Variants in ZC3H12B observed in about 807,000 individuals in gnomAD.
The protein encoded by ZC3H12B is zinc finger CCCH-type containing 12B.
ZC3H12B carries 7 observed loss-of-function variants against 43.9 expected under a neutral mutation model. The observed-to-expected ratio is 0.16, with a 90% confidence interval of 0.09 to 0.30. The LOEUF (loss-of-function observed/expected upper bound fraction) is 0.30. ZC3H12B is among the 10% of genes least tolerant of loss of function. The pLI, the probability that ZC3H12B is intolerant of heterozygous loss-of-function variation, is 1.00. For synonymous variants in ZC3H12B, 222 were observed against 241.7 expected (o/e 0.92, Z 0.76); for missense variants, 475 against 670.2 (o/e 0.71, Z 3.22).
intron 3 of ZC3H12B, among the ~76,000 whole-genome samples, chrX:65,450,871 A>G (rs778588374): frequency 1.1e-5 from 1 of 92,967 alleles, no homozygotes; most frequent in Admixed American, 1.3e-4. Flanking sequence ...ATATATGTAT[A>G]TATATACATA....
At chrX:65,179,922 G>A in the ZC3H12B span, among the ~76,000 whole-genome samples, 1 of 111,587 alleles carries the variant, frequency 9.0e-6, no homozygotes, top group Non-Finnish European at 1.9e-5. Context: ...TTCTTCAAGA[G>A]GTATAAAGAG....
intron 3 of ZC3H12B, among the ~76,000 whole-genome samples, chrX:65,415,951 C>T (rs773911959): frequency 7.2e-5 from 8 of 111,612 alleles, no homozygotes; most frequent in African/African-American, 2.6e-4. Flanking sequence ...GGCATGTTTT[C>T]CAAAAATAAA....
chrX:65,158,288 A>G, the ZC3H12B span, among the ~76,000 whole-genome samples: 1 of 111,438 alleles, frequency 9.0e-6, no homozygotes, highest in Non-Finnish European at 1.9e-5. Flanking sequence ...GTATATAGCC[A>G]GTAATGGAAT....
chrX:65,137,216 CTT>C, the ZC3H12B span, among the ~76,000 whole-genome samples: 3 of 111,754 alleles, frequency 2.7e-5, no homozygotes, highest in East Asian at 5.6e-4. Context: ...AATTTAAAAT[CTT>C]AGCATATCTG....
the ZC3H12B span, among the ~76,000 whole-genome samples, chrX:65,275,021 GAAAC>G: frequency 8.9e-6 from 1 of 112,124 alleles, no homozygotes; most frequent in East Asian, 2.8e-4. Flanking sequence ...CCATGACTGA[GAAAC>G]AATCCTAGAG....
At chrX:65,204,525 CTAGACTT>C in the ZC3H12B span, among the ~76,000 whole-genome samples, 3 of 111,710 alleles carry the variant, frequency 2.7e-5, no homozygotes, top group Non-Finnish European at 5.6e-5. Flanking sequence ...TTCATTCTTC[CTAGACTT>C]TAGCTTAAAA....
the ZC3H12B span, among the ~76,000 whole-genome samples, chrX:65,227,599 T>G: frequency 9.0e-6 from 1 of 111,041 alleles, no homozygotes; most frequent in Non-Finnish European, 1.9e-5. Flanking sequence ...CAGTAGCTGG[T>G]TTTTTGAAAG....
At chrX:65,271,372 T>C in the ZC3H12B span, 6 of 112,841 alleles carry the variant, frequency 5.3e-5, no homozygotes, top group Admixed American at 2.8e-4. Context: ...GTACAACCAA[T>C]TTATTGAACT....
chrX:65,275,933 C>T, the ZC3H12B span, among the ~76,000 whole-genome samples: 1 of 111,533 alleles, frequency 9.0e-6, no homozygotes, highest in African/African-American at 3.3e-5. Context: ...TGCAGTGAGA[C>T]AATTCAATAA....
chrX:65,053,377 G>A, the ZC3H12B span, among the ~76,000 whole-genome samples: 728 of 110,130 alleles, frequency 6.6e-3, 13 homozygotes, highest in African/African-American at 0.023. Flanking sequence ...TTTTCCTTGC[G>A]ATAGTTTGCT....
the ZC3H12B span, among the ~76,000 whole-genome samples, chrX:65,361,356 T>C: frequency 2.1e-4 from 24 of 112,379 alleles, no homozygotes; most frequent in African/African-American, 7.4e-4. Context: ...CTTTGAATTA[T>C]ATTTTTTGGG....
the ZC3H12B span, among the ~76,000 whole-genome samples, chrX:65,039,722 G>A: frequency 1.8e-5 from 2 of 111,691 alleles, no homozygotes; most frequent in African/African-American, 6.5e-5. Context: ...TTTAAAACTG[G>A]GTGATTTGAC....
the ZC3H12B span, among the ~76,000 whole-genome samples, chrX:65,233,204 A>G: frequency 3.6e-5 from 4 of 111,914 alleles, no homozygotes; most frequent in Non-Finnish European, 7.5e-5. Flanking sequence ...ACAAAAAATT[A>G]GCAAAGAAAC....
At chrX:65,206,555 G>A in the ZC3H12B span, among the ~76,000 whole-genome samples, 1 of 111,817 alleles carries the variant, frequency 8.9e-6, no homozygotes, top group East Asian at 2.8e-4. Context: ...AAACTATAAA[G>A]ATTCTAGAAG....
the ZC3H12B span, among the ~76,000 whole-genome samples, chrX:65,337,215 T>A: frequency 8.9e-6 from 1 of 111,742 alleles, no homozygotes; most frequent in African/African-American, 3.3e-5. Context: ...TGCAGTCTAT[T>A]TCCTTTCAGC....
chrX:65,057,971 G>C, the ZC3H12B span, among the ~76,000 whole-genome samples: 1 of 111,445 alleles, frequency 9.0e-6, no homozygotes, highest in Non-Finnish European at 1.9e-5. Flanking sequence ...GATTATTCTG[G>C]TTAGCCATTC....
the ZC3H12B span, among the ~76,000 whole-genome samples, chrX:65,110,390 CTTT>C: frequency 1.0e-5 from 1 of 96,395 alleles, no homozygotes. Flanking sequence ...TTTTCTTCTG[CTTT>C]TTTTTTTTTT....
chrX:65,224,999 TCTGA>T, the ZC3H12B span, among the ~76,000 whole-genome samples: 1 of 111,766 alleles, frequency 8.9e-6, no homozygotes, highest in Admixed American at 9.4e-5. Context: ...AATGTCCCTG[TCTGA>T]CAGAGTTGAA....
At chrX:65,250,843 T>A in the ZC3H12B span, among the ~76,000 whole-genome samples, 1 of 111,985 alleles carries the variant, frequency 8.9e-6, no homozygotes, top group South Asian at 3.7e-4. Context: ...ATTAGCCCTT[T>A]GTCAGATGAG....
Sources: allele counts gnomAD v4.1 joint callset (sites outside exome capture counted in the v4.1 genomes callset), GRCh38; gene constraint gnomAD v4.1.1; transcripts MANE v1.5; gene names NCBI Gene and HGNC (gene_info 2026-07-23, HGNC 2026-07-21).